The following OR51C1 variants were observed in gnomAD, a reference collection of about 807,000 sequenced individuals.
The protein encoded by OR51C1 is olfactory receptor family 51 subfamily C member 1.
At chr11:4,691,762 G>C in the OR51C1 span, 2 of 333,386 alleles carry the variant, frequency 6.0e-6, no homozygotes, top group Admixed American at 4.5e-5. Flanking sequence ...ACATTCATTT[G>C]TGTATTGATC....
chr11:4,695,116 A>C, the OR51C1 span, among the ~76,000 whole-genome samples: 1 of 152,214 alleles, frequency 6.6e-6, no homozygotes, highest in African/African-American at 2.4e-5. Flanking sequence ...TCAAATCATG[A>C]AAATCTTGAA....
chr11:4,696,647 G>C, the OR51C1 span, among the ~76,000 whole-genome samples: 2 of 152,106 alleles, frequency 1.3e-5, no homozygotes, highest in South Asian at 4.1e-4. Flanking sequence ...CTTTTGTGCT[G>C]CCTTCACTCT....
the OR51C1 span, among the ~76,000 whole-genome samples, chr11:4,694,573 T>C: frequency 3.6e-3 from 433 of 118,980 alleles, no homozygotes; most frequent in Middle Eastern, 0.017. Context: ...TACATATATA[T>C]ATACACACAC....
chr11:4,691,462 C>A, the OR51C1 span: 6 of 456,344 alleles, frequency 1.3e-5, no homozygotes, highest in Admixed American at 1.2e-4. Flanking sequence ...AGCATGGTGA[C>A]CAGAGTGGAT....
chr11:4,690,723 T>C, the OR51C1 span: 5 of 369,886 alleles, frequency 1.4e-5, no homozygotes, highest in Non-Finnish European at 2.6e-5. Flanking sequence ...GTATACCATC[T>C]TGAGGGGTCC....
the OR51C1 span, among the ~76,000 whole-genome samples, chr11:4,696,414 T>C: frequency 6.6e-6 from 1 of 152,062 alleles, no homozygotes; most frequent in African/African-American, 2.4e-5. Context: ...ATCCCTTACA[T>C]ATAAAGATTA....
chr11:4,691,210 G>A, the OR51C1 span: 1 of 456,772 alleles, frequency 2.2e-6, no homozygotes, highest in South Asian at 1.5e-5. Context: ...AGTCTTATAA[G>A]AAGTGCTACC....
the OR51C1 span, among the ~76,000 whole-genome samples, chr11:4,693,749 G>A: frequency 7.2e-5 from 11 of 151,978 alleles, no homozygotes; most frequent in African/African-American, 2.7e-4. Context: ...ACAAAAAACT[G>A]TTGAGCAACA....
At chr11:4,692,677 A>G in the OR51C1 span, among the ~76,000 whole-genome samples, 1 of 152,180 alleles carries the variant, frequency 6.6e-6, no homozygotes, top group Admixed American at 6.5e-5. Flanking sequence ...AGAGGGCTCA[A>G]TCAATGAGAG....
At chr11:4,693,377 T>C in the OR51C1 span, among the ~76,000 whole-genome samples, 1 of 152,206 alleles carries the variant, frequency 6.6e-6, no homozygotes, top group Non-Finnish European at 1.5e-5. Context: ...TTTCTGTGTT[T>C]TATGTAAGTT....
At chr11:4,692,985 T>C in the OR51C1 span, among the ~76,000 whole-genome samples, 1 of 152,218 alleles carries the variant, frequency 6.6e-6, no homozygotes, top group Non-Finnish European at 1.5e-5. Flanking sequence ...TTTACAGTAA[T>C]GACAGTGTCC....
At chr11:4,695,010 C>G in the OR51C1 span, among the ~76,000 whole-genome samples, 1 of 152,042 alleles carries the variant, frequency 6.6e-6, no homozygotes, top group Non-Finnish European at 1.5e-5. Context: ...ATAACATAAG[C>G]CAGTTTGTTG....
At chr11:4,691,556 G>A in the OR51C1 span, 3,577 of 456,966 alleles carry the variant, frequency 7.8e-3, 18 homozygotes, top group Non-Finnish European at 0.012. Flanking sequence ...TGATGGTAGC[G>A]AAGAGGATCA....
At chr11:4,697,068 GT>G in the OR51C1 span, among the ~76,000 whole-genome samples, 2 of 152,176 alleles carry the variant, frequency 1.3e-5, no homozygotes, top group Admixed American at 1.3e-4. Flanking sequence ...CATGTGACAA[GT>G]ATTATTAGAT....
At chr11:4,693,180 A>G in the OR51C1 span, among the ~76,000 whole-genome samples, 1 of 152,226 alleles carries the variant, frequency 6.6e-6, no homozygotes, top group Non-Finnish European at 1.5e-5. Context: ...TCATTCCACA[A>G]TGCATACATG....
At chr11:4,694,301 A>G in the OR51C1 span, among the ~76,000 whole-genome samples, 1 of 152,006 alleles carries the variant, frequency 6.6e-6, no homozygotes, top group Admixed American at 6.6e-5. Context: ...CTAGCAAAAA[A>G]AAAATGACTT....
the OR51C1 span, among the ~76,000 whole-genome samples, chr11:4,697,019 A>T: frequency 2.6e-5 from 4 of 152,212 alleles, no homozygotes; most frequent in African/African-American, 9.6e-5. Flanking sequence ...TATTGTCCTC[A>T]GTGCTTTATA....
the OR51C1 span, among the ~76,000 whole-genome samples, chr11:4,694,091 C>G: frequency 6.6e-6 from 1 of 152,118 alleles, no homozygotes; most frequent in Non-Finnish European, 1.5e-5. Flanking sequence ...TATGTAACCA[C>G]TTAAAAAAAT....
the OR51C1 span, among the ~76,000 whole-genome samples, chr11:4,692,337 G>T: frequency 1.3e-5 from 2 of 152,202 alleles, no homozygotes; most frequent in African/African-American, 4.8e-5. Flanking sequence ...GGAAGAGATG[G>T]TTAGAACACA....
Sources: gnomAD v4.1 joint callset for allele counts (sites outside exome capture counted in the v4.1 genomes callset) on GRCh38, gnomAD v4.1.1 for gene constraint, MANE v1.5 for transcripts, NCBI Gene and HGNC (gene_info 2026-07-23, HGNC 2026-07-21) for gene names.